Variants in RSU1 observed in about 807,000 individuals in gnomAD.
RSU1 encodes the protein rsu-1.
A neutral mutation model predicts 31.1 loss-of-function variants in RSU1; 26 were observed. That is an observed-to-expected ratio of 0.84 (90% CI 0.61 to 1.16). The LOEUF is 1.16. Ranked by LOEUF, RSU1 falls within the 50% of genes most tolerant of loss-of-function variation. The pLI is 0.00. For missense variants in RSU1, 320 were observed against 339.1 expected, an observed-to-expected ratio of 0.94 and a Z score of 0.44; for synonymous variants, 164 against 136.3, an observed-to-expected ratio of 1.20 and a Z score of -1.41.
intron 8 of RSU1, among the ~76,000 whole-genome samples, chr10:16,652,154 G>A (rs1159286416): frequency 6.6e-6 from 1 of 152,056 alleles, no homozygotes; most frequent in Non-Finnish European, 1.5e-5. Flanking sequence ...AGAGTCTAAA[G>A]GTTGTGCTAA....
At position 16,593,458 on chromosome 10, in the gene RSU1, G is replaced by C. The variant is rs747686091; in HGVS notation, c.770C>G (p.Pro257Arg). ...TTTCGATTTGTCATTATTCTTCTTCGGTGGTTCTGGGTTGGCCTGCATGTG... is the reference window on the plus strand; with the variant it reads ...TTTCGATTTGTCATTATTCTTCTTCCGTGGTTCTGGGTTGGCCTGCATGTG... ...GRHMQANPEPPKKNNDKSKKI... is the reference protein window; with the variant it reads ...GRHMQANPEPRKKNNDKSKKI... The change falls in exon 9 of 9, where the codon CCG becomes CGG. Residue 257 changes from proline (P) to arginine (R), a missense_variant. Transcript: ENST00000345264. 9.3e-6 allele frequency: 15 copies of C among 1,613,944 alleles called. No individual in the cohort carries two copies. The highest frequency in any genetic ancestry group is 1.3e-5 in the Non-Finnish European group (15 of 1,180,002).
intron 8 of RSU1, among the ~76,000 whole-genome samples, chr10:16,677,235 A>T (rs1835251073): frequency 6.6e-6 from 1 of 152,204 alleles, no homozygotes; most frequent in Non-Finnish European, 1.5e-5. Context: ...CTTTGTCCTC[A>T]GTTGTTTTAC....
chr10:16,676,802 G>T (rs1422622252), intron 8 of RSU1, among the ~76,000 whole-genome samples: 1 of 152,154 alleles, frequency 6.6e-6, no homozygotes, highest in Non-Finnish European at 1.5e-5. Flanking sequence ...GTGGGCTGCA[G>T]TTATACAGGT....
chr10:16,747,654 C>T (rs1047350849), intron 7 of RSU1, among the ~76,000 whole-genome samples: 8 of 152,206 alleles, frequency 5.3e-5, no homozygotes, highest in African/African-American at 1.4e-4. Flanking sequence ...CAATGATAGT[C>T]TCCTATCTCT....
rs543138488 is a variant in RSU1, at chr10:16,726,785, C to G, written c.598+25754G>C. 1.9e-3 allele frequency among the ~76,000 whole-genome samples: 287 copies of G among 152,166 alleles called. 2 individuals carry two copies. Among genetic ancestry groups the G allele is most frequent in the Non-Finnish European group, 2.8e-3 (193 of 68,010 alleles). Reference sequence around the variant, plus strand: ...TCTGCCCACCACCCTCCTACTCTACCTCCCCTCCCAAAATTTGTAGTATTT... The same window carrying G: ...TCTGCCCACCACCCTCCTACTCTACGTCCCCTCCCAAAATTTGTAGTATTT... On this transcript the variant is annotated intron_variant, in intron 7 of 8. Transcript: ENST00000345264.
At chr10:16,679,002 T>C (rs1359600186) in intron 8 of RSU1, among the ~76,000 whole-genome samples, 6 of 152,190 alleles carry the variant, frequency 3.9e-5, no homozygotes, top group Admixed American at 3.9e-4. Flanking sequence ...AGGAAATGTT[T>C]CATTTGCACC....
intron 4 of RSU1, among the ~76,000 whole-genome samples, chr10:16,758,842 A>G (rs1837148027): frequency 6.6e-6 from 1 of 152,202 alleles, no homozygotes; most frequent in South Asian, 2.1e-4. Flanking sequence ...TTTGTGCCAC[A>G]CTTGGTTAAT....
intron 7 of RSU1, among the ~76,000 whole-genome samples, chr10:16,737,448 A>G (rs1836650552): frequency 1.3e-5 from 2 of 152,090 alleles, no homozygotes; most frequent in Non-Finnish European, 2.9e-5. Context: ...CCCTTGAAGC[A>G]AGGTAGAAGT....
intron 2 of RSU1, among the ~76,000 whole-genome samples, chr10:16,796,362 C>T (rs143311612): frequency 1.3e-5 from 2 of 152,124 alleles, no homozygotes; most frequent in African/African-American, 4.8e-5. Context: ...GGCCTCGCTA[C>T]GTCTTCACTG....
intron 2 of RSU1, among the ~76,000 whole-genome samples, chr10:16,794,512 G>A (rs1837986650): frequency 6.6e-6 from 1 of 151,946 alleles, no homozygotes; most frequent in Admixed American, 6.6e-5. Context: ...TTTTATTTGT[G>A]TAACACAAAA....
intron 2 of RSU1, among the ~76,000 whole-genome samples, chr10:16,787,583 G>A (rs182131054): frequency 6.6e-6 from 1 of 152,324 alleles, no homozygotes; most frequent in Admixed American, 6.5e-5. Context: ...GGGGCCAGAT[G>A]GAGATAACTG....
At chr10:16,626,106 T>C (rs930881985) in intron 8 of RSU1, among the ~76,000 whole-genome samples, 2 of 151,942 alleles carry the variant, frequency 1.3e-5, no homozygotes, top group African/African-American at 4.8e-5. Flanking sequence ...GTGCCAATGA[T>C]GCGATCAGGA....
At chr10:16,753,355 G>C (rs1837017872) in intron 5 of RSU1, among the ~76,000 whole-genome samples, 1 of 152,182 alleles carries the variant, frequency 6.6e-6, no homozygotes, top group South Asian at 2.1e-4. Flanking sequence ...GTAAAACAAA[G>C]AACACTACTG....
chr10:16,758,205 T>C (rs548469995), intron 4 of RSU1, among the ~76,000 whole-genome samples: 10 of 152,272 alleles, frequency 6.6e-5, no homozygotes, highest in East Asian at 1.9e-4. Flanking sequence ...TTCAGAAGAA[T>C]TGCTAGCAAC....
chr10:16,737,683 T>C (rs1836655781), intron 7 of RSU1, among the ~76,000 whole-genome samples: 1 of 151,416 alleles, frequency 6.6e-6, no homozygotes, highest in Non-Finnish European at 1.5e-5. Context: ...TCAGAAATGG[T>C]AAATAGAGAA....
intron 8 of RSU1, among the ~76,000 whole-genome samples, chr10:16,665,051 C>A (rs368807209): frequency 1.3e-5 from 2 of 152,136 alleles, no homozygotes; most frequent in African/African-American, 4.8e-5. Context: ...TTAAGCAATT[C>A]TCCTGCTTCA....
At chr10:16,687,703 A>G (rs966494887) in intron 8 of RSU1, among the ~76,000 whole-genome samples, 1 of 152,042 alleles carries the variant, frequency 6.6e-6, no homozygotes, top group African/African-American at 2.4e-5. Flanking sequence ...GAGCAATTAA[A>G]CAAAAAATCA....
intron 7 of RSU1, among the ~76,000 whole-genome samples, chr10:16,746,665 CTTTTTTT>C (rs535857942): frequency 0.15 from 15,041 of 102,050 alleles, 847 homozygotes; most frequent in African/African-American, 0.17. Context: ...TCCCAAATCA[CTTTTTTT>C]TTTTTTTTTT....
chr10:16,768,777 T>C (rs768845490), intron 3 of RSU1, among the ~76,000 whole-genome samples: 2 of 152,286 alleles, frequency 1.3e-5, no homozygotes, highest in Non-Finnish European at 2.9e-5. Context: ...AGCCCAGACT[T>C]GGCAATTCAG....
Sources: allele counts gnomAD v4.1 joint callset (sites outside exome capture counted in the v4.1 genomes callset), GRCh38; gene constraint gnomAD v4.1.1; transcripts MANE v1.5; gene names NCBI Gene and HGNC (gene_info 2026-07-23, HGNC 2026-07-21).